Variants in PHKB observed in about 807,000 individuals in gnomAD.
PHKB encodes phosphorylase b kinase regulatory subunit beta.
In PHKB, 122 loss-of-function variants were observed where a neutral mutation model predicts 152.1. The ratio of observed to expected loss-of-function variants is 0.80; its 90% CI spans 0.69 to 0.93. The LOEUF is 0.93. PHKB is among the 40% of genes least tolerant of loss of function. PHKB has a pLI of 0.00. For missense variants in PHKB, 1,304 were observed against 1,328.4 expected (o/e 0.98, Z 0.29); for synonymous variants, 436 against 464.9 (o/e 0.94, Z 0.80).
chr16:47,551,770 G>T (rs1424088584), intron 7 of PHKB, among the ~76,000 whole-genome samples: 1 of 152,166 alleles, frequency 6.6e-6, no homozygotes, highest in Non-Finnish European at 1.5e-5. Flanking sequence ...GAATATCCTT[G>T]TTAATTTTCT....
At chr16:47,641,354 C>G (rs996962089) in intron 15 of PHKB, among the ~76,000 whole-genome samples, 1 of 152,162 alleles carries the variant, frequency 6.6e-6, no homozygotes, top group Admixed American at 6.5e-5. Context: ...GAAATTCATG[C>G]AAACACATGG....
At chr16:47,523,166 T>G (rs1032565837) in intron 6 of PHKB, among the ~76,000 whole-genome samples, 1 of 152,172 alleles carries the variant, frequency 6.6e-6, no homozygotes, top group Non-Finnish European at 1.5e-5. Context: ...ATTTCATTTT[T>G]CAGATATACA....
At chr16:47,573,484 G>T (rs1282506221) in intron 7 of PHKB, among the ~76,000 whole-genome samples, 1 of 152,200 alleles carries the variant, frequency 6.6e-6, no homozygotes, top group Non-Finnish European at 1.5e-5. Flanking sequence ...TCAGGGAGGG[G>T]AGAGGGGTAA....
At chr16:47,546,801 T>G (rs1454673232) in intron 6 of PHKB, among the ~76,000 whole-genome samples, 1 of 152,076 alleles carries the variant, frequency 6.6e-6, no homozygotes, top group Non-Finnish European at 1.5e-5. Context: ...TACTCAAGCC[T>G]CCACAATGGT....
chr16:47,516,775 TAATG>T (rs1412010377), intron 6 of PHKB, among the ~76,000 whole-genome samples: 2 of 152,216 alleles, frequency 1.3e-5, no homozygotes, highest in Admixed American at 6.5e-5. Context: ...TGAAGATAAA[TAATG>T]AAGAAGAAAT....
chr16:47,485,202 CCATTGAGAG>C (rs1347980193), intron 1 of PHKB, among the ~76,000 whole-genome samples: 1 of 152,138 alleles, frequency 6.6e-6, no homozygotes, highest in Non-Finnish European at 1.5e-5. Flanking sequence ...ATTTATTCCT[CCATTGAGAG>C]CACATTTATT....
At chr16:47,478,597 AT>A (rs1361490870) in intron 1 of PHKB, among the ~76,000 whole-genome samples, 1 of 151,818 alleles carries the variant, frequency 6.6e-6, no homozygotes, top group African/African-American at 2.4e-5. Flanking sequence ...TTAAAAAAAA[AT>A]CTTTAGAATG....
intron 13 of PHKB, among the ~76,000 whole-genome samples, chr16:47,598,342 A>T (rs1972159713): frequency 6.6e-6 from 1 of 152,182 alleles, no homozygotes; most frequent in African/African-American, 2.4e-5. Flanking sequence ...ACTACTAAAG[A>T]AACTTTACTT....
intron 6 of PHKB, among the ~76,000 whole-genome samples, chr16:47,540,201 C>T (rs1971028543): frequency 6.6e-6 from 1 of 152,038 alleles, no homozygotes; most frequent in East Asian, 1.9e-4. Flanking sequence ...GAAATATGCC[C>T]TGGTCTCCTG....
intron 4 of PHKB, among the ~76,000 whole-genome samples, chr16:47,509,159 A>T (rs1224302208): frequency 6.6e-6 from 1 of 152,204 alleles, no homozygotes; most frequent in Non-Finnish European, 1.5e-5. Flanking sequence ...TTTTTTATAT[A>T]GGAGCTCAGA....
At chr16:47,542,557 A>G (rs910412185) in intron 6 of PHKB, among the ~76,000 whole-genome samples, 19 of 152,238 alleles carry the variant, frequency 1.2e-4, no homozygotes, top group African/African-American at 3.6e-4. Flanking sequence ...GCAGCTTGTT[A>G]GGGATGGCAT....
rs1200492603 is a variant in PHKB, at chr16:47,511,681, A to G, written c.422A>G (p.Gln141Arg). ...TCATTCTAGGTCCAGCAGTTTAAGC[A>G]GGATCCACGCCCAACAACATGTCTT... ...RQADKVQQFK[Q>R]DPRPTTCLHS... The change falls in exon 5 of 31, where the codon CAG becomes CGG. Residue 141 changes from glutamine (Q) to arginine (R), a missense_variant. Transcript: ENST00000323584. 6.2e-7 allele frequency: 1 copy of G among 1,610,892 alleles called. No homozygotes were observed. Among genetic ancestry groups the G allele is most frequent in the East Asian group, 2.2e-5 (1 of 44,856 alleles).
intron 6 of PHKB, among the ~76,000 whole-genome samples, chr16:47,542,960 A>T (rs1486949417): frequency 2.0e-5 from 3 of 152,176 alleles, no homozygotes; most frequent in Non-Finnish European, 2.9e-5. Context: ...AGAGAATTTG[A>T]CTTCCTCTTT....
At chr16:47,603,806 A>G (rs564926270) in intron 13 of PHKB, among the ~76,000 whole-genome samples, 17 of 152,264 alleles carry the variant, frequency 1.1e-4, no homozygotes, top group South Asian at 2.1e-4. Context: ...CGCTTGGCCA[A>G]TAACTGACTT....
At chr16:47,689,761 T>C (rs1974027984) in intron 27 of PHKB, among the ~76,000 whole-genome samples, 4 of 152,240 alleles carry the variant, frequency 2.6e-5, no homozygotes, top group Admixed American at 2.6e-4. Context: ...ACCAAAGTGG[T>C]ATAGTTATAT....
intron 1 of PHKB, among the ~76,000 whole-genome samples, chr16:47,493,081 C>T (rs116845521): frequency 6.4e-4 from 97 of 152,336 alleles, no homozygotes; most frequent in Non-Finnish European, 7.3e-4. Context: ...AGATCAGGCT[C>T]CTCCCTCTGG....
At chr16:47,597,131 T>A (rs1171413380) in intron 13 of PHKB, among the ~76,000 whole-genome samples, 1 of 152,172 alleles carries the variant, frequency 6.6e-6, no homozygotes, top group African/African-American at 2.4e-5. Flanking sequence ...AATTCCTTGT[T>A]CAAATTTTAA....
intron 13 of PHKB, among the ~76,000 whole-genome samples, chr16:47,604,509 A>G (rs1972289825): frequency 6.6e-6 from 1 of 152,144 alleles, no homozygotes; most frequent in Admixed American, 6.5e-5. Context: ...CAAATAGCTC[A>G]TTTCATAATA....
intron 13 of PHKB, 26 bp from the exon 14 acceptor site, chr16:47,610,797 GATA>G (rs757507236): frequency 1.5e-6 from 2 of 1,307,286 alleles, no homozygotes; most frequent in Admixed American, 3.4e-5. Context: ...ATGCATTTTC[GATA>G]ATGTCATTCC....
Sources: gnomAD v4.1 joint callset for allele counts (sites outside exome capture counted in the v4.1 genomes callset) on GRCh38, gnomAD v4.1.1 for gene constraint, MANE v1.5 for transcripts, NCBI Gene and HGNC (gene_info 2026-07-23, HGNC 2026-07-21) for gene names.